Variants in CFH observed in about 807,000 individuals in gnomAD.
CFH encodes complement factor H, also known as H factor 1 (complement).
Under a neutral mutation model 147.3 loss-of-function variants are expected in CFH, and 53 were observed. The ratio of observed to expected loss-of-function variants is 0.36; its 90% CI spans 0.29 to 0.45. The LOEUF (loss-of-function observed/expected upper bound fraction) is 0.45. Among genes scored for constraint, CFH ranks in the 20% least tolerant of loss-of-function variants. CFH has a pLI of 1.00. For missense variants in CFH, 1,380 were observed against 1,498.0 expected (o/e 0.92, Z 1.30); for synonymous variants, 536 against 489.4 (o/e 1.10, Z -1.26).
chr1:196,658,838 G>A (rs1666807961), intron 1 of CFH, among the ~76,000 whole-genome samples: 1 of 152,058 alleles, frequency 6.6e-6, no homozygotes, highest in Non-Finnish European at 1.5e-5. Context: ...TCAAAGTGCT[G>A]GGATTATAAG....
chr1:196,741,036 C>G (rs1202495726), intron 18 of CFH: 1 of 493,726 alleles, frequency 2.0e-6, no homozygotes, highest in Non-Finnish European at 3.7e-6. Context: ...TCAGACTTCT[C>G]ATCTCTGTTC....
rs576059537 is a variant in CFH, at chr1:196,689,528, A to G, written c.1073A>G (p.Asp358Gly). Residue 358 changes from aspartate to glycine, a missense_variant, in exon 8 of 22, where the codon GAT becomes GGT. Asp to Gly is a moderately conservative substitution (Grantham distance 94). Around this residue, in one of 4 missense-constraint regions of CFH, gnomAD observed 167 missense variants for 228.0 expected, o/e 0.73. Coordinates refer to ENST00000367429, the MANE Select transcript of CFH (RefSeq NM_000186.4). ...AVGKYYSYYC[D>G]EHFETPSGSY... ...GGAAAATATTACTCCTATTACTGTG[A>G]TGAACATTTTGAGACTCCGTCAGGA... 4 of 1,613,634 alleles carry G rather than the reference A, an allele frequency of 2.5e-6. No homozygotes were observed. Among genetic ancestry groups the G allele is most frequent in the Non-Finnish European group, 3.4e-6 (4 of 1,179,700 alleles).
At chr1:196,711,163 A>T (rs1303520381) in intron 9 of CFH, among the ~76,000 whole-genome samples, 2 of 152,026 alleles carry the variant, frequency 1.3e-5, no homozygotes, top group African/African-American at 2.4e-5. Flanking sequence ...ATACATATTT[A>T]CTTCTTTATT....
At chr1:196,658,732 G>T (rs527531701) in intron 1 of CFH, among the ~76,000 whole-genome samples, 1 of 151,688 alleles carries the variant, frequency 6.6e-6, no homozygotes. Context: ...GCCTGCTCAG[G>T]TAATTTTTAA....
rs188999128 is a variant in CFH, at chr1:196,663,992, C to A, written c.59-8986C>A. Among the ~76,000 whole-genome samples the A allele has an allele frequency of 3.3e-5, 5 of 152,248 alleles. No individual in the cohort carries two copies. In the East Asian group the frequency reaches 9.7e-4, roughly 29 times the overall value. ...TATACCAAGATATGTTATGGTAATT[C>A]TTTACTGTCTCGTCAGCTTTCTAAA... is the stretch of plus-strand genomic sequence containing the variant. On this transcript the variant is annotated intron_variant, in intron 1 of 21. Coordinates refer to ENST00000367429, the MANE Select transcript of CFH (RefSeq NM_000186.4).
intron 9 of CFH, among the ~76,000 whole-genome samples, chr1:196,700,379 C>T (rs1326364345): frequency 1.3e-5 from 2 of 152,116 alleles, no homozygotes; most frequent in Non-Finnish European, 1.5e-5. Flanking sequence ...AGCACCCAGA[C>T]ATGATGGCTC....
chr1:196,744,826 C>T (rs1321734339), intron 20 of CFH, among the ~76,000 whole-genome samples: 1 of 152,004 alleles, frequency 6.6e-6, no homozygotes, highest in East Asian at 1.9e-4. Context: ...TTTCTTTTAT[C>T]TGTTTTATTT....
At chr1:196,743,040 G>A (rs1652866329) in intron 19 of CFH, among the ~76,000 whole-genome samples, 1 of 152,054 alleles carries the variant, frequency 6.6e-6, no homozygotes. Context: ...GTATAAGCAG[G>A]ATGATTGCAA....
intron 9 of CFH, among the ~76,000 whole-genome samples, chr1:196,697,282 C>T (rs2149094058): frequency 6.6e-6 from 1 of 152,234 alleles, no homozygotes; most frequent in East Asian, 1.9e-4. Context: ...TATCCAGAAT[C>T]TACAATGAAC....
intron 1 of CFH, among the ~76,000 whole-genome samples, chr1:196,660,614 T>C (rs929767652): frequency 1.3e-5 from 2 of 152,144 alleles, no homozygotes; most frequent in African/African-American, 4.8e-5. Flanking sequence ...ACAGGGGCGG[T>C]CATATCTTTT....
chr1:196,692,782 CTT>C (rs1224385783), intron 9 of CFH, among the ~76,000 whole-genome samples: 1 of 86,336 alleles, frequency 1.2e-5, no homozygotes, highest in African/African-American at 5.7e-5. Flanking sequence ...TTCTTTCTTT[CTT>C]TCTTTCTTTC....
chr1:196,658,230 A>G lies in CFH; in HGVS notation c.58+6055A>G, dbSNP rs183806778. Among the ~76,000 whole-genome samples, 163 of 151,978 alleles carry G rather than the reference A, an allele frequency of 1.1e-3. 2 individuals are homozygous for G. The highest frequency in any genetic ancestry group is 3.5e-3 in the African/African-American group (145 of 41,440). On this transcript the variant is annotated intron_variant, in intron 1 of 21. Transcript: ENST00000367429. ...CACTCTTAATTCATGGGCTAAAAAAAAACTTGATTTTGTTTAGTATTATTC... is the reference window on the plus strand; with the variant it reads ...CACTCTTAATTCATGGGCTAAAAAAGAACTTGATTTTGTTTAGTATTATTC...
intron 9 of CFH, among the ~76,000 whole-genome samples, chr1:196,704,756 G>A (rs757685350): frequency 1.8e-4 from 27 of 152,210 alleles, no homozygotes; most frequent in Admixed American, 1.0e-3. Flanking sequence ...TGTTTCTCAT[G>A]TAACATACCT....
intron 9 of CFH, among the ~76,000 whole-genome samples, chr1:196,693,606 A>T (rs1041551243): frequency 2.6e-5 from 4 of 152,100 alleles, no homozygotes; most frequent in Admixed American, 6.6e-5. Flanking sequence ...TCTGGGCGGG[A>T]TGGAGCTGAA....
intron 11 of CFH, among the ~76,000 whole-genome samples, chr1:196,723,612 C>T (rs1016691407): frequency 1.3e-5 from 2 of 151,914 alleles, no homozygotes; most frequent in Non-Finnish European, 2.9e-5. Flanking sequence ...GGGAGACTCT[C>T]TGTTGCCCCA....
At chr1:196,744,996 T>C (rs1652950438) in intron 20 of CFH, among the ~76,000 whole-genome samples, 1 of 152,164 alleles carries the variant, frequency 6.6e-6, no homozygotes, top group Non-Finnish European at 1.5e-5. Context: ...TTTGAACACT[T>C]GAAAACCGTG....
At position 196,737,399 on chromosome 1, in the gene CFH, A is replaced by G. The variant is rs1669432084; in HGVS notation, c.2597-76A>G. Reference sequence around the variant, plus strand: ...CAAATTATACTCACTTTAAAATCCGAAATAGTATTTAGTTTTATATTTCAA... The same window carrying G: ...CAAATTATACTCACTTTAAAATCCGGAATAGTATTTAGTTTTATATTTCAA... On this transcript the variant is annotated intron_variant, in intron 16 of 21. Transcript: ENST00000367429. 4 of 1,060,028 alleles carry G rather than the reference A, an allele frequency of 3.8e-6. No homozygotes were observed. In the South Asian group the frequency reaches 5.7e-5, roughly 15 times the overall value. 65.7% of individuals were successfully genotyped at this position (1,060,028 alleles called of 1,614,324 possible).
intron 7 of CFH, among the ~76,000 whole-genome samples, chr1:196,688,891 G>A (rs12069060): frequency 0.19 from 28,771 of 152,052 alleles, 3,396 homozygotes; most frequent in East Asian, 0.36. Flanking sequence ...GATTACAGGC[G>A]TGAGCCACTG....
At position 196,742,113 on chromosome 1, in the gene CFH, G is replaced by A. The variant is rs573680704; in HGVS notation, c.3133+62G>A. ...GTGTGGGCCCAGCCCAGTGGCTGGC[G>A]CCTGTAATCCCAGCACTTTGGGAGG... On this transcript the variant is annotated intron_variant, in intron 19 of 21. Coordinates refer to ENST00000367429, the MANE Select transcript of CFH (RefSeq NM_000186.4). 4.2e-5 allele frequency: 64 copies of A among 1,521,658 alleles called. 1 individual carries two copies. In the East Asian group the frequency reaches 7.4e-4, roughly 18 times the overall value. The allele number at this position is 1,521,658 out of a possible 1,614,324, so 94.3% of individuals were successfully genotyped here. A position where few individuals can be genotyped will look rare whatever the true frequency, so the allele number is the denominator to read the frequency against.
Sources: allele counts gnomAD v4.1 joint callset (sites outside exome capture counted in the v4.1 genomes callset), GRCh38; gene constraint gnomAD v4.1.1; regional missense constraint gnomAD v4.1.1; transcripts MANE v1.5; gene names NCBI Gene and HGNC (gene_info 2026-07-23, HGNC 2026-07-21).